LRRC4C: variants seen among roughly 807,000 people sequenced by gnomAD.
The protein encoded by LRRC4C is leucine-rich repeat-containing protein 4C.
Under a neutral mutation model 33.6 loss-of-function variants are expected in LRRC4C, and 5 were observed. That is an observed-to-expected ratio of 0.15 (90% CI 0.08 to 0.31). The LOEUF (loss-of-function observed/expected upper bound fraction) is 0.31, where lower values mean the gene tolerates loss of function less well. LRRC4C is among the 10% of genes least tolerant of loss of function. The probability of loss-of-function intolerance (pLI) is 1.00; values close to 1 mark genes in which losing one functional copy is unlikely to be tolerated. For missense variants in LRRC4C, 560 were observed against 796.7 expected (o/e 0.70, Z 3.58); for synonymous variants, 329 against 302.0 (o/e 1.09, Z -0.93).
At chr11:41,096,443 A>G (rs999957947) in intron 1 of LRRC4C, among the ~76,000 whole-genome samples, 1 of 152,206 alleles carries the variant, frequency 6.6e-6, no homozygotes, top group Admixed American at 6.5e-5. Flanking sequence ...GAGACCAGTC[A>G]TCAGTCAGAC....
intron 2 of LRRC4C, among the ~76,000 whole-genome samples, chr11:40,700,132 A>G (rs1451271321): frequency 6.6e-6 from 1 of 152,136 alleles, no homozygotes; most frequent in Non-Finnish European, 1.5e-5. Context: ...TAGATGACTG[A>G]AGATAACTTA....
chr11:40,608,399 G>A (rs964476249), intron 3 of LRRC4C, among the ~76,000 whole-genome samples: 4 of 151,654 alleles, frequency 2.6e-5, no homozygotes, highest in African/African-American at 9.7e-5. Flanking sequence ...AAAAGAAAAT[G>A]AGAAATGAAT....
At chr11:41,026,874 A>G (rs1049476557) in intron 1 of LRRC4C, among the ~76,000 whole-genome samples, 4 of 151,760 alleles carry the variant, frequency 2.6e-5, no homozygotes, top group African/African-American at 4.8e-5. Flanking sequence ...AGACTATGGT[A>G]TAATGTAAAC....
At chr11:41,246,373 G>C (rs950758780) in intron 1 of LRRC4C, among the ~76,000 whole-genome samples, 4 of 152,220 alleles carry the variant, frequency 2.6e-5, no homozygotes, top group African/African-American at 4.8e-5. Flanking sequence ...ATCAGAACAG[G>C]CACTGGGAGT....
chr11:40,713,454 A>G (rs1192733333), intron 2 of LRRC4C, among the ~76,000 whole-genome samples: 1 of 152,184 alleles, frequency 6.6e-6, no homozygotes, highest in Non-Finnish European at 1.5e-5. Context: ...AGATATGCAG[A>G]CTAATATGTC....
intron 3 of LRRC4C, among the ~76,000 whole-genome samples, chr11:40,581,959 T>C (rs1470527215): frequency 6.6e-6 from 1 of 152,064 alleles, no homozygotes; most frequent in African/African-American, 2.4e-5. Context: ...TGTGAAAAGC[T>C]GAAGTTTCCT....
intron 3 of LRRC4C, among the ~76,000 whole-genome samples, chr11:40,322,806 G>C (rs943201607): frequency 6.6e-6 from 1 of 152,176 alleles, no homozygotes; most frequent in African/African-American, 2.4e-5. Flanking sequence ...TTTGCTCAGG[G>C]TCTGTCCCAG....
chr11:41,395,865 CT>C (rs1224803107), intron 1 of LRRC4C, among the ~76,000 whole-genome samples: 15 of 151,988 alleles, frequency 9.9e-5, no homozygotes, highest in Non-Finnish European at 2.1e-4. Context: ...AAGTACTGCA[CT>C]TTTTGTGAAT....
At chr11:40,198,445 T>G (rs1483106789) in intron 5 of LRRC4C, among the ~76,000 whole-genome samples, 1 of 152,222 alleles carries the variant, frequency 6.6e-6, no homozygotes, top group East Asian at 1.9e-4. Flanking sequence ...TCCAGATACC[T>G]GCTACAAATA....
chr11:40,131,599 G>A (rs967670207), intron 6 of LRRC4C, among the ~76,000 whole-genome samples: 3 of 152,118 alleles, frequency 2.0e-5, no homozygotes, highest in Non-Finnish European at 4.4e-5. Context: ...AAAAATCAGA[G>A]ACACAAATTT....
intron 5 of LRRC4C, among the ~76,000 whole-genome samples, chr11:40,178,501 A>G (rs916839052): frequency 6.6e-6 from 1 of 152,222 alleles, no homozygotes; most frequent in African/African-American, 2.4e-5. Context: ...AAGTTAGGGA[A>G]TACATCTGGG....
intron 1 of LRRC4C, among the ~76,000 whole-genome samples, chr11:41,416,709 C>G (rs1235729322): frequency 6.6e-6 from 1 of 151,940 alleles, no homozygotes; most frequent in African/African-American, 2.4e-5. Context: ...GAATACATAA[C>G]CATGATGTGT....
At chr11:40,551,034 A>G (rs1482191630) in intron 3 of LRRC4C, among the ~76,000 whole-genome samples, 1 of 152,104 alleles carries the variant, frequency 6.6e-6, no homozygotes, top group African/African-American at 2.4e-5. Context: ...GGGAAGATTA[A>G]AGAGATCCTA....
chr11:40,243,757 T>C (rs1866110281), intron 4 of LRRC4C, among the ~76,000 whole-genome samples: 1 of 149,894 alleles, frequency 6.7e-6, no homozygotes, highest in African/African-American at 2.5e-5. Context: ...TGGCGTGAAC[T>C]TGGCTTGCTA....
intron 5 of LRRC4C, among the ~76,000 whole-genome samples, chr11:40,207,855 G>C (rs1285493520): frequency 1.3e-5 from 2 of 152,100 alleles, no homozygotes; most frequent in African/African-American, 2.4e-5. Context: ...AAGCTTTAAA[G>C]ATAGCATTCC....
intron 2 of LRRC4C, among the ~76,000 whole-genome samples, chr11:40,708,487 G>A (rs1946288524): frequency 6.6e-6 from 1 of 152,124 alleles, no homozygotes; most frequent in African/African-American, 2.4e-5. Flanking sequence ...AGTCATTCAG[G>A]AGCAGGTTGT....
At chr11:41,330,161 C>T (rs1438273583) in intron 1 of LRRC4C, among the ~76,000 whole-genome samples, 1 of 152,184 alleles carries the variant, frequency 6.6e-6, no homozygotes, top group Non-Finnish European at 1.5e-5. Context: ...GCAACTGTTA[C>T]ATTCATGAGT....
At chr11:40,877,978 T>C (rs1305097901) in intron 2 of LRRC4C, among the ~76,000 whole-genome samples, 1 of 152,190 alleles carries the variant, frequency 6.6e-6, no homozygotes, top group African/African-American at 2.4e-5. Flanking sequence ...TGTAGCTTTT[T>C]GTTGGTAGTC....
intron 2 of LRRC4C, among the ~76,000 whole-genome samples, chr11:40,769,087 G>T (rs1949624728): frequency 6.6e-6 from 1 of 151,888 alleles, no homozygotes; most frequent in East Asian, 1.9e-4. Context: ...AAAACCAAAA[G>T]ATTTCATGAA....
Sources: allele counts gnomAD v4.1 joint callset (sites outside exome capture counted in the v4.1 genomes callset), GRCh38; gene constraint gnomAD v4.1.1; transcripts MANE v1.5; gene names NCBI Gene and HGNC (gene_info 2026-07-23, HGNC 2026-07-21).